The following PBX1 variants were observed in gnomAD, a reference collection of about 807,000 sequenced individuals.
The protein encoded by PBX1 is pre-B-cell leukemia transcription factor 1.
PBX1 carries 6 observed loss-of-function variants against 53.4 expected under a neutral mutation model. The observed-to-expected ratio is 0.11, with a 90% CI of 0.06 to 0.22. The LOEUF (loss-of-function observed/expected upper bound fraction) is 0.22, where lower values mean the gene tolerates loss of function less well. PBX1 is among the 10% of genes least tolerant of loss of function. The pLI is 1.00. For synonymous variants in PBX1, 204 were observed against 212.3 expected (o/e 0.96, Z 0.34); for missense variants, 251 against 551.4 (o/e 0.46, Z 5.46).
At chr1:164,663,329 C>T (rs1303498274) in intron 2 of PBX1, among the ~76,000 whole-genome samples, 1 of 151,876 alleles carries the variant, frequency 6.6e-6, no homozygotes, top group Non-Finnish European at 1.5e-5. Flanking sequence ...TCTCTCTCTT[C>T]TTCCCTTTCC....
intron 2 of PBX1, among the ~76,000 whole-genome samples, chr1:164,581,693 G>A (rs188865444): frequency 2.6e-5 from 4 of 152,218 alleles, no homozygotes; most frequent in Non-Finnish European, 5.9e-5. Context: ...GGCATTTCAT[G>A]TTAAAACTTA....
intron 2 of PBX1, among the ~76,000 whole-genome samples, chr1:164,766,846 C>T (rs1258687939): frequency 6.6e-6 from 1 of 151,618 alleles, no homozygotes; most frequent in Non-Finnish European, 1.5e-5. Context: ...CCTGCCTCAG[C>T]CTCCTTGAGT....
chr1:164,778,978 T>C (rs961169175), intron 2 of PBX1, among the ~76,000 whole-genome samples: 1 of 151,816 alleles, frequency 6.6e-6, no homozygotes, highest in Non-Finnish European at 1.5e-5. Context: ...AGTTTCCTCA[T>C]CTGACTAAAA....
intron 2 of PBX1, among the ~76,000 whole-genome samples, chr1:164,630,495 A>T (rs1403907274): frequency 1.3e-5 from 2 of 152,134 alleles, no homozygotes; most frequent in Admixed American, 1.3e-4. Flanking sequence ...GTCAATCTGT[A>T]ATATTACACT....
chr1:164,807,250 C>T (rs1292686362), intron 4 of PBX1, among the ~76,000 whole-genome samples: 1 of 152,120 alleles, frequency 6.6e-6, no homozygotes, highest in African/African-American at 2.4e-5. Flanking sequence ...GAGTGAAACT[C>T]CATCTCAAAA....
At chr1:164,628,630 C>G (rs538895360) in intron 2 of PBX1, among the ~76,000 whole-genome samples, 2 of 152,292 alleles carry the variant, frequency 1.3e-5, no homozygotes, top group South Asian at 4.1e-4. Context: ...TGTAGCAACT[C>G]TATTAGAAGA....
chr1:164,790,958 C>T (rs1432275629), intron 2 of PBX1, among the ~76,000 whole-genome samples: 1 of 150,868 alleles, frequency 6.6e-6, no homozygotes, highest in Non-Finnish European at 1.5e-5. Flanking sequence ...TGCACTCTGC[C>T]ATGAAAACAG....
At chr1:164,864,538 C>T (rs1470100237) in intron 2 of PBX1, among the ~76,000 whole-genome samples, 1 of 152,150 alleles carries the variant, frequency 6.6e-6, no homozygotes, top group African/African-American at 2.4e-5. Context: ...CAACTGTCTT[C>T]AGATGGAACA....
intron 2 of PBX1, among the ~76,000 whole-genome samples, chr1:164,613,908 GA>G: frequency 6.6e-6 from 1 of 151,726 alleles, no homozygotes; most frequent in African/African-American, 2.4e-5. Context: ...ACCTACAGTG[GA>G]GATCCCAGTA....
intron 2 of PBX1, among the ~76,000 whole-genome samples, chr1:164,721,163 T>C (rs568621516): frequency 2.0e-5 from 3 of 152,348 alleles, no homozygotes; most frequent in Non-Finnish European, 4.4e-5. Context: ...CTCCCATTTC[T>C]GGAATTTGCC....
intron 2 of PBX1, among the ~76,000 whole-genome samples, chr1:164,871,708 A>C (rs2102455290): frequency 6.6e-6 from 1 of 152,210 alleles, no homozygotes; most frequent in South Asian, 2.1e-4. Context: ...TGTGAGGATA[A>C]CTTGTACCCA....
intron 2 of PBX1, among the ~76,000 whole-genome samples, chr1:164,765,524 G>A (rs1046463807): frequency 1.3e-5 from 2 of 152,188 alleles, no homozygotes; most frequent in Non-Finnish European, 2.9e-5. Context: ...CTTTCACCTA[G>A]TAAACACAGG....
In PBX1 at chr1:164,848,032, C is replaced by T; in HGVS notation, c.*1356C>T. 9.5e-7 allele frequency: 1 copy of T among 1,050,218 alleles called. No homozygotes were observed. Among genetic ancestry groups the T allele is most frequent in the Non-Finnish European group, 1.1e-6 (1 of 869,788 alleles). The allele number at this position is 1,050,218 out of a possible 1,614,324, so 65.1% of individuals were successfully genotyped here. A position where few individuals can be genotyped will look rare whatever the true frequency, so the allele number is the denominator to read the frequency against. ...CCAAAATGTTATACCACACTATGTTCTTGGTCCTGACCTATTGCTCTGGAG... is the reference window on the plus strand; with the variant it reads ...CCAAAATGTTATACCACACTATGTTTTTGGTCCTGACCTATTGCTCTGGAG... On this transcript the variant is annotated 3_prime_UTR_variant, in exon 9 of 9. Transcript: ENST00000420696.
At chr1:164,691,064 G>A (rs556199322) in intron 2 of PBX1, among the ~76,000 whole-genome samples, 15 of 138,956 alleles carry the variant, frequency 1.1e-4, no homozygotes, top group Non-Finnish European at 1.8e-4. Context: ...ACCCAGGCTG[G>A]AGTGCAGTGG....
At chr1:164,723,097 G>A (rs939672393) in intron 2 of PBX1, among the ~76,000 whole-genome samples, 3 of 152,094 alleles carry the variant, frequency 2.0e-5, no homozygotes, top group African/African-American at 7.2e-5. Context: ...TGGTGTAAGG[G>A]AACTTGTACT....
At chr1:164,812,398 A>G (rs1224584937) in intron 6 of PBX1, among the ~76,000 whole-genome samples, 1 of 152,190 alleles carries the variant, frequency 6.6e-6, no homozygotes, top group Non-Finnish European at 1.5e-5. Flanking sequence ...GTTAAGACCA[A>G]AGTAAATTGG....
intron 2 of PBX1, among the ~76,000 whole-genome samples, chr1:164,735,952 C>G (rs539183280): frequency 6.6e-5 from 10 of 152,282 alleles, no homozygotes; most frequent in African/African-American, 2.4e-4. Flanking sequence ...GCACAAAGAG[C>G]AAGCAGTTTG....
intron 1 of PBX1, among the ~76,000 whole-genome samples, chr1:164,561,851 AT>A (rs1219198125): frequency 6.6e-6 from 1 of 152,062 alleles, no homozygotes; most frequent in East Asian, 1.9e-4. Context: ...CTGTGTGAGA[AT>A]TTTTGTTTGC....
intron 5 of PBX1, among the ~76,000 whole-genome samples, chr1:164,810,427 A>G (rs1322099166): frequency 6.6e-6 from 1 of 152,210 alleles, no homozygotes; most frequent in African/African-American, 2.4e-5. Flanking sequence ...GTTGTCATTT[A>G]GAAGGGTATC....
Sources: allele counts gnomAD v4.1 joint callset (sites outside exome capture counted in the v4.1 genomes callset), GRCh38; gene constraint gnomAD v4.1.1; transcripts MANE v1.5; gene names NCBI Gene and HGNC (gene_info 2026-07-23, HGNC 2026-07-21).